The following GLDN variants were observed in gnomAD, a reference collection of about 807,000 sequenced individuals.
The protein encoded by GLDN is collomin.
A neutral mutation model predicts 56.5 loss-of-function variants in GLDN; 47 were observed. The ratio of observed to expected loss-of-function variants is 0.83; its 90% confidence interval spans 0.66 to 1.06. The LOEUF is 1.06. Ranked by LOEUF, GLDN falls within the 50% of genes least tolerant of loss-of-function variation. The pLI is 0.00. For synonymous variants in GLDN, 332 were observed against 278.8 expected, an observed-to-expected ratio of 1.19 and a Z score of -1.90; for missense variants, 782 against 714.3, an observed-to-expected ratio of 1.09 and a Z score of -1.08.
At chr15:51,400,599 C>T (rs549499079) in intron 8 of GLDN, 101 bp downstream of exon 8, 82 of 1,241,336 alleles carry the variant, frequency 6.6e-5, no homozygotes, top group Non-Finnish European at 8.7e-5. Context: ...CTGAAATCCC[C>T]GGTAGCTGGT....
At chr15:51,347,013 C>A (rs906590207) in intron 1 of GLDN, among the ~76,000 whole-genome samples, 1 of 152,120 alleles carries the variant, frequency 6.6e-6, no homozygotes, top group Non-Finnish European at 1.5e-5. Flanking sequence ...TTGCAGTGAG[C>A]CGAGGTGGCA....
chr15:51,403,770 C>T (rs777272137), intron 9 of GLDN, among the ~76,000 whole-genome samples: 6 of 152,124 alleles, frequency 3.9e-5, no homozygotes, highest in Non-Finnish European at 5.9e-5. Context: ...AGGAATAACC[C>T]CCACACTTAG....
At chr15:51,353,332 T>G (rs1167736732) in intron 1 of GLDN, among the ~76,000 whole-genome samples, 1 of 152,226 alleles carries the variant, frequency 6.6e-6, no homozygotes, top group Non-Finnish European at 1.5e-5. Flanking sequence ...GGTCTCCTGT[T>G]TAGCCAGCTC....
In GLDN at chr15:51,345,078, T is replaced by A. The variant is rs551622947; in HGVS notation, c.363+3031T>A. ...GGGGAGAGAGAAAATTTGACCCATCTGCTACTAACTCCTGTGGGAGATGCT... is the reference window on the plus strand; with the variant it reads ...GGGGAGAGAGAAAATTTGACCCATCAGCTACTAACTCCTGTGGGAGATGCT... On this transcript the variant is annotated intron_variant, in intron 1 of 9. Transcript: ENST00000335449. Among the ~76,000 whole-genome samples the A allele has an allele frequency of 3.9e-4, 59 of 152,338 alleles. No individual in the cohort carries two copies. In the South Asian group the frequency reaches 0.012, roughly 30 times the overall value.
chr15:51,364,039 T>C (rs1222061606), intron 1 of GLDN, among the ~76,000 whole-genome samples: 3 of 152,226 alleles, frequency 2.0e-5, no homozygotes, highest in Non-Finnish European at 2.9e-5. Flanking sequence ...TCATCATATG[T>C]TTTAAACAGT....
At chr15:51,371,620 G>A (rs756514290) in intron 1 of GLDN, among the ~76,000 whole-genome samples, 1 of 152,148 alleles carries the variant, frequency 6.6e-6, no homozygotes, top group Non-Finnish European at 1.5e-5. Flanking sequence ...TTCCCCTAAC[G>A]CTATTGTATT....
chr15:51,398,347 G>A (rs867205645), intron 6 of GLDN, among the ~76,000 whole-genome samples: 3 of 152,226 alleles, frequency 2.0e-5, no homozygotes, highest in Non-Finnish European at 1.5e-5. Flanking sequence ...AGTGGCCACA[G>A]GGTTGAAAGC....
At chr15:51,344,290 T>TA (rs1360426240) in intron 1 of GLDN, among the ~76,000 whole-genome samples, 4 of 152,212 alleles carry the variant, frequency 2.6e-5, no homozygotes, top group Non-Finnish European at 4.4e-5. Flanking sequence ...CATAACTTCC[T>TA]ATCGATAGTA....
intron 1 of GLDN, among the ~76,000 whole-genome samples, chr15:51,342,831 T>C (rs574989092): frequency 6.6e-6 from 1 of 152,330 alleles, no homozygotes; most frequent in South Asian, 2.1e-4. Context: ...GATGAGGGTC[T>C]GCAGCTTTTC....
At position 51,407,727 on chromosome 15, in the gene GLDN, G is replaced by A. The variant is rs1939899279; in HGVS notation, c.*2973G>A. Reference sequence around the variant, plus strand: ...TTAGGCATCTTAACAGTCACAAGGTGAAAAGTCAAATGAAACAGTACAATT... The same window carrying A: ...TTAGGCATCTTAACAGTCACAAGGTAAAAAGTCAAATGAAACAGTACAATT... On this transcript the variant is annotated 3_prime_UTR_variant, in exon 10 of 10. Coordinates refer to ENST00000335449, the MANE Select transcript of GLDN (RefSeq NM_181789.4). The A allele has an allele frequency of 6.6e-6, 1 of 152,196 alleles. No homozygotes were observed. The highest frequency in any genetic ancestry group is 2.4e-5 in the African/African-American group (1 of 41,446). 9.4% of individuals were successfully genotyped at this position (152,196 alleles called of 1,614,324 possible).
At position 51,392,550 on chromosome 15, in the gene GLDN, T is replaced by C. The variant is rs114782004; in HGVS notation, c.542-2285T>C. ...GTAATAATAGAAATAAAATTCACAA[T>C]AAATGCAATGCATTTGAATCATCCC... On this transcript the variant is annotated intron_variant, in intron 4 of 9. Coordinates refer to ENST00000335449, the MANE Select transcript of GLDN (RefSeq NM_181789.4). Among the ~76,000 whole-genome samples the C allele has an allele frequency of 4.7e-4, 71 of 152,330 alleles. 1 individual carries two copies. The highest frequency in any genetic ancestry group is 1.7e-3 in the African/African-American group (69 of 41,568).
rs2037577298 is a variant in GLDN, at chr15:51,374,239, G to A, written c.364-3210G>A. Among the ~76,000 whole-genome samples the A allele has an allele frequency of 2.0e-5, 3 of 152,306 alleles. No individual in the cohort carries two copies. The South Asian group carries it at 6.2e-4, about 32-fold the overall frequency. On this transcript the variant is annotated intron_variant, in intron 1 of 9. Coordinates refer to ENST00000335449, the MANE Select transcript of GLDN (RefSeq NM_181789.4). ...AATTTTCCCTATTGTTGCTTCTGTTGTTTCCAACCACCCCTTCTGCTGTGA... is the reference window on the plus strand; with the variant it reads ...AATTTTCCCTATTGTTGCTTCTGTTATTTCCAACCACCCCTTCTGCTGTGA...
intron 3 of GLDN, 141 bp downstream of exon 3, chr15:51,383,594 T>G: frequency 9.1e-7 from 1 of 1,101,052 alleles, no homozygotes; most frequent in Non-Finnish European, 1.4e-6. Flanking sequence ...GCCCCTCACC[T>G]GAGGCTCTGC....
At chr15:51,394,513 T>A (rs2038083574) in intron 4 of GLDN, among the ~76,000 whole-genome samples, 1 of 152,102 alleles carries the variant, frequency 6.6e-6, no homozygotes, top group Non-Finnish European at 1.5e-5. Context: ...CTCCGGAGGC[T>A]GAGGCAGGAG....
chr15:51,348,643 T>C (rs1343132952), intron 1 of GLDN, among the ~76,000 whole-genome samples: 1 of 152,234 alleles, frequency 6.6e-6, no homozygotes, highest in African/African-American at 2.4e-5. Context: ...CTGATTTTTT[T>C]TTTAAGAGAA....
intron 9 of GLDN, among the ~76,000 whole-genome samples, chr15:51,403,142 T>C (rs1009768067): frequency 2.6e-5 from 4 of 152,194 alleles, no homozygotes; most frequent in Non-Finnish European, 4.4e-5. Context: ...GTTAGGAGGC[T>C]GTACTGCTCT....
chr15:51,412,200 TGTAAGTG>T (rs1486964938), downstream of GLDN, among the ~76,000 whole-genome samples: 2 of 152,228 alleles, frequency 1.3e-5, no homozygotes, highest in Non-Finnish European at 2.9e-5. Context: ...TCGCTCAGTT[TGTAAGTG>T]GTGAAGTTGG....
chr15:51,353,980 A>G (rs1174518054), intron 1 of GLDN, among the ~76,000 whole-genome samples: 1 of 152,234 alleles, frequency 6.6e-6, no homozygotes, highest in East Asian at 1.9e-4. Flanking sequence ...GCTTTTATGT[A>G]GATCTTTAAC....
At chr15:51,381,000 T>C (rs1359426973) in intron 2 of GLDN, among the ~76,000 whole-genome samples, 1 of 152,190 alleles carries the variant, frequency 6.6e-6, no homozygotes, top group African/African-American at 2.4e-5. Flanking sequence ...AAATCCAAAC[T>C]GAATTAGGAA....
Sources: gnomAD v4.1 joint callset for allele counts (sites outside exome capture counted in the v4.1 genomes callset) on GRCh38, gnomAD v4.1.1 for gene constraint, MANE v1.5 for transcripts, NCBI Gene and HGNC (gene_info 2026-07-23, HGNC 2026-07-21) for gene names.